The following TBC1D7 variants were observed in gnomAD, a reference collection of about 807,000 sequenced individuals.
TBC1D7 encodes the protein TBC domain family 7.
In TBC1D7, 33 loss-of-function variants were observed where a neutral mutation model predicts 35.3. The observed-to-expected ratio is 0.93, with a 90% CI of 0.71 to 1.25. The LOEUF (loss-of-function observed/expected upper bound fraction) is 1.25. TBC1D7 is among the 50% of genes most tolerant of loss of function. TBC1D7 has a pLI of 0.00. For synonymous variants in TBC1D7, 135 were observed against 129.5 expected, an observed-to-expected ratio of 1.04 and a Z score of -0.29; for missense variants, 362 against 365.3, an observed-to-expected ratio of 0.99 and a Z score of 0.07.
At chr6:13,306,353 G>T in intron 7 of TBC1D7, 45 bp downstream of exon 7, 1 of 1,550,404 alleles carries the variant, frequency 6.4e-7, no homozygotes, top group East Asian at 2.4e-5. Context: ...GACTTGCTAA[G>T]GTAACTTCAT....
chr6:13,307,444 C>T (rs1364146060), intron 6 of TBC1D7, 156 bp downstream of exon 6: 3 of 719,748 alleles, frequency 4.2e-6, no homozygotes, highest in Non-Finnish European at 7.0e-6. Flanking sequence ...CAAGAATAAG[C>T]AGAATCATGT....
rs139408780 is a variant in TBC1D7, at chr6:13,313,045, A to G, written c.519+3526T>C. Among the ~76,000 whole-genome samples, 263 of 152,306 alleles carry G rather than the reference A, an allele frequency of 1.7e-3. 1 individual carries two copies. The highest frequency in any genetic ancestry group is 5.7e-3 in the African/African-American group (235 of 41,556). On this transcript the variant is annotated intron_variant, in intron 5 of 7. Coordinates refer to ENST00000379300, the MANE Select transcript of TBC1D7 (RefSeq NM_016495.6). ...ATAATACAGTATAACAACTATTTAC[A>G]TAGCATTTACATTGTATTATGTATT... is the stretch of plus-strand genomic sequence containing the variant.
rs1417383340 is a variant in TBC1D7 at position 13,307,705 on chromosome 6, C to T, written c.560G>A (p.Arg187Lys). ...ACACATCCTCAGATGAGTCAGCAGT[C>T]TGCCATCTTCCAGATTCAAGTATTG... ...FEQYLNLEDGRLLTHLRMCSA... is the reference protein window; with the variant it reads ...FEQYLNLEDGKLLTHLRMCSA... The change falls in exon 6 of 8, where the codon AGA becomes AAA. Residue 187 changes from arginine to lysine, a missense_variant. By Grantham distance (26) the Arg-to-Lys change is conservative. Transcript: ENST00000379300. The T allele has an allele frequency of 1.2e-6, 2 of 1,614,112 alleles. No individual in the cohort carries two copies. The highest frequency in any genetic ancestry group is 2.2e-5 in the South Asian group (2 of 91,084).
chr6:13,316,983 C>A (rs2127534466), intron 4 of TBC1D7, among the ~76,000 whole-genome samples: 1 of 152,214 alleles, frequency 6.6e-6, no homozygotes, highest in South Asian at 2.1e-4. Context: ...CTCACAGAGT[C>A]AACATAAATC....
At chr6:13,321,563 C>T (rs1238311610) in intron 3 of TBC1D7, among the ~76,000 whole-genome samples, 2 of 152,234 alleles carry the variant, frequency 1.3e-5, no homozygotes, top group African/African-American at 2.4e-5. Context: ...TCCTATCCTC[C>T]AGGTCACAAA....
chr6:13,312,197 G>A (rs1242849739), intron 5 of TBC1D7, among the ~76,000 whole-genome samples: 2 of 152,104 alleles, frequency 1.3e-5, no homozygotes, highest in Non-Finnish European at 2.9e-5. Context: ...ATTTAGCACT[G>A]CCTGACATGA....
chr6:13,324,435 C>CT (rs890460225), intron 3 of TBC1D7, among the ~76,000 whole-genome samples: 1 of 152,050 alleles, frequency 6.6e-6, no homozygotes, highest in African/African-American at 2.4e-5. Context: ...GCCAAAAATA[C>CT]TTTTTTTAAG....
At chr6:13,317,615 AT>A (rs1453507212) in intron 4 of TBC1D7, among the ~76,000 whole-genome samples, 1 of 152,254 alleles carries the variant, frequency 6.6e-6, no homozygotes, top group African/African-American at 2.4e-5. Context: ...TTCTCAAAAC[AT>A]TTTATTAATG....
intron 4 of TBC1D7, among the ~76,000 whole-genome samples, chr6:13,317,094 A>G (rs1417653450): frequency 6.6e-6 from 1 of 152,242 alleles, no homozygotes; most frequent in Non-Finnish European, 1.5e-5. Flanking sequence ...GTAACTGGAG[A>G]CATTTTTCAG....
intron 1 of TBC1D7, chr6:13,327,836 A>C (rs1458290451): frequency 2.0e-5 from 3 of 152,212 alleles, no homozygotes; most frequent in Non-Finnish European, 4.4e-5. Flanking sequence ...GCCTCACCCA[A>C]ATGCTTCCAG....
At chr6:13,310,649 A>AAAAAAAAAAAG in intron 5 of TBC1D7, among the ~76,000 whole-genome samples, 1 of 150,602 alleles carries the variant, frequency 6.6e-6, no homozygotes, top group Middle Eastern at 3.5e-3. Context: ...AAAAAAAAAA[A>AAAAAAAAAAAG]AAAAGAATAT....
Position 13,307,584 on chromosome 6 carries a change from C to T in TBC1D7, c.665+16G>A, listed in dbSNP as rs993178420. On this transcript the variant is annotated intron_variant, in intron 6 of 7. Transcript: ENST00000379300. Reference sequence around the variant, plus strand: ...TAACGCCAAGCCTTCAATATGTCTTCGAAAGACCTACTTGCCTCTGTAAAC... The same window carrying T: ...TAACGCCAAGCCTTCAATATGTCTTTGAAAGACCTACTTGCCTCTGTAAAC... The T allele has an allele frequency of 7.4e-6, 12 of 1,613,504 alleles. No individual in the cohort carries two copies. Among genetic ancestry groups the T allele is most frequent in the East Asian group, 2.2e-5 (1 of 44,896 alleles).
chr6:13,318,070 A>C (rs559205), intron 4 of TBC1D7: 5,645 of 152,696 alleles, frequency 0.037, 335 homozygotes, highest in African/African-American at 0.13. Flanking sequence ...GTCCTGGGTG[A>C]GCACGTTGGC....
rs546122443 is a variant in TBC1D7, at chr6:13,310,637, C to CAAAAAAAAAAAAAAAAAAAAA, written c.520-2893_520-2892insTTTTTTTTTTTTTTTTTTTTT. Among the ~76,000 whole-genome samples the CAAAAAAAAAAAAAAAAAAAAA allele has an allele frequency of 6.9e-4, 50 of 72,898 alleles. 1 individual carries two copies. The highest frequency in any genetic ancestry group is 2.9e-3 in the South Asian group (5 of 1,742). The allele number at this position is 72,898 out of a possible 152,430, so 47.8% of individuals were successfully genotyped here. A position where few individuals can be genotyped will look rare whatever the true frequency, so the allele number is the denominator to read the frequency against. On this transcript the variant is annotated intron_variant, in intron 5 of 7. Coordinates refer to ENST00000379300, the MANE Select transcript of TBC1D7 (RefSeq NM_016495.6). ...TGGGTGACAGAGCGAGACTCCGTCT[C>CAAAAAAAAAAAAAAAAAAAAA]AAAAAAAAAAAAAAAAGAATATTGT...
At position 13,325,091 on chromosome 6, in the gene TBC1D7, T is replaced by G; in HGVS notation, c.193+3A>C. The G allele has an allele frequency of 6.2e-7, 1 of 1,606,674 alleles. No homozygotes were observed. The highest frequency in any genetic ancestry group is 8.5e-7 in the Non-Finnish European group (1 of 1,175,660). On this transcript the variant is annotated splice_donor_region_variant and intron_variant, in intron 3 of 7. Coordinates refer to ENST00000379300, the MANE Select transcript of TBC1D7 (RefSeq NM_016495.6). Reference sequence around the variant, plus strand: ...TAAATCTTCCAACTCCTGGGTCTCATACCTAGAAGCACCTTCCATACCAAT... The same window carrying G: ...TAAATCTTCCAACTCCTGGGTCTCAGACCTAGAAGCACCTTCCATACCAAT...
intron 3 of TBC1D7, among the ~76,000 whole-genome samples, chr6:13,324,041 AG>A (rs1368652618): frequency 6.6e-6 from 1 of 152,236 alleles, no homozygotes; most frequent in African/African-American, 2.4e-5. Context: ...ATGCCCAATA[AG>A]GAGCAATCAT....
chr6:13,328,155 G>A (rs1400521349), intron 1 of TBC1D7, 141 bp downstream of exon 1: 2 of 152,190 alleles, frequency 1.3e-5, no homozygotes, highest in Admixed American at 1.3e-4. Flanking sequence ...TTCTTAGATT[G>A]CACTACAATG....
chr6:13,327,513 C>T (rs1281805819), intron 1 of TBC1D7, among the ~76,000 whole-genome samples: 4 of 152,154 alleles, frequency 2.6e-5, no homozygotes, highest in Admixed American at 6.5e-5. Context: ...GAGTTCCTCA[C>T]TTATCTTTCT....
chr6:13,325,077 A>G lies in TBC1D7; in HGVS notation c.193+17T>C, dbSNP rs1249507333. The G allele has an allele frequency of 1.9e-6, 3 of 1,572,642 alleles. No individual in the cohort carries two copies. Among genetic ancestry groups the G allele is most frequent in the Admixed American group, 3.6e-5 (2 of 54,996 alleles). The stretch of plus-strand genomic sequence containing the variant: ...AATATTTTTTAAGATAAATCTTCCA[A>G]CTCCTGGGTCTCATACCTAGAAGCA... On this transcript the variant is annotated intron_variant, in intron 3 of 7. Coordinates refer to ENST00000379300, the MANE Select transcript of TBC1D7 (RefSeq NM_016495.6).
Sources: allele counts gnomAD v4.1 joint callset (sites outside exome capture counted in the v4.1 genomes callset), GRCh38; gene constraint gnomAD v4.1.1; transcripts MANE v1.5; gene names NCBI Gene and HGNC (gene_info 2026-07-23, HGNC 2026-07-21).